Variants in TPD52 observed in about 807,000 individuals in gnomAD.
TPD52 encodes the protein prostate and colon associated protein.
TPD52 carries 17 observed loss-of-function variants against 31.3 expected under a neutral mutation model. The observed-to-expected ratio is 0.54, with a 90% CI of 0.37 to 0.82. The LOEUF is 0.82. Among genes scored for constraint, TPD52 ranks in the 40% least tolerant of loss-of-function variants. TPD52 has a pLI of 0.00. For synonymous variants in TPD52, 83 were observed against 89.6 expected, an observed-to-expected ratio of 0.93 and a Z score of 0.42; for missense variants, 212 against 240.1, an observed-to-expected ratio of 0.88 and a Z score of 0.77.
At position 80,171,392 on chromosome 8, in the gene TPD52, C is replaced by T. The variant is rs182907837; in HGVS notation, c.19+33G>A. On this transcript the variant is annotated intron_variant, in intron 1 of 7. Coordinates refer to ENST00000518937, the MANE Select transcript of TPD52 (RefSeq NM_001025253.3). ...CCCGAGTCCAAGCCCGAGTCCAAGC[C>T]CGAGCCCAAGCCCGCTGGGTCCGCG... 3 of 1,589,612 alleles carry T rather than the reference C, an allele frequency of 1.9e-6. No individual in the cohort carries two copies. In the South Asian group the frequency reaches 3.3e-5, roughly 18 times the overall value.
At chr8:80,143,566 GCATCCAC>G (rs1357315137) in intron 1 of TPD52, among the ~76,000 whole-genome samples, 1 of 152,122 alleles carries the variant, frequency 6.6e-6, no homozygotes, top group Non-Finnish European at 1.5e-5. Context: ...TCATATGCTA[GCATCCAC>G]CACCTGTCTA....
At chr8:80,129,699 A>ATTT (rs1808882029) in intron 1 of TPD52, among the ~76,000 whole-genome samples, 1 of 116,764 alleles carries the variant, frequency 8.6e-6, no homozygotes, top group African/African-American at 3.5e-5. Flanking sequence ...CCTAACTCTC[A>ATTT]TTTCTTTTTT....
At chr8:80,140,202 A>C (rs919066) in intron 1 of TPD52, among the ~76,000 whole-genome samples, 77,676 of 152,056 alleles carry the variant, frequency 0.51, 20,367 homozygotes, top group East Asian at 0.79. Context: ...CCTGATGTCA[A>C]CCCCACAAGT....
chr8:80,118,385 G>A (rs1281324848), intron 1 of TPD52, among the ~76,000 whole-genome samples: 1 of 152,092 alleles, frequency 6.6e-6, no homozygotes, highest in Non-Finnish European at 1.5e-5. Context: ...TCATGCAATG[G>A]TTTCTTAGAC....
chr8:80,070,420 A>G (rs901699035), intron 1 of TPD52, among the ~76,000 whole-genome samples: 1 of 152,170 alleles, frequency 6.6e-6, no homozygotes, highest in African/African-American at 2.4e-5. Flanking sequence ...GTTTCATGGA[A>G]GACAATTTTT....
At chr8:80,118,915 T>C (rs1808054433) in intron 1 of TPD52, among the ~76,000 whole-genome samples, 2 of 152,194 alleles carry the variant, frequency 1.3e-5, no homozygotes, top group Admixed American at 1.3e-4. Context: ...ATTGCACTCC[T>C]AGGTAAATAT....
chr8:80,043,336 T>C (rs940968769), intron 6 of TPD52, among the ~76,000 whole-genome samples: 13 of 152,148 alleles, frequency 8.5e-5, no homozygotes, highest in Admixed American at 8.5e-4. Context: ...CGCCTTTGTC[T>C]CTCACAAAGG....
Position 80,053,409 on chromosome 8 carries a change from G to A in TPD52, c.157C>T (p.Leu53=). ...LAKVEEEIQT[L]SQVLAAKEKH... is the part of the protein sequence containing the mutation. Reference sequence around the variant, plus strand: ...TCTTTTGCTGCTAACACTTGAGACAGAGTCTGGATTTCTTCTTCTACCTAT... The same window carrying A: ...TCTTTTGCTGCTAACACTTGAGACAAAGTCTGGATTTCTTCTTCTACCTAT... The change falls in exon 3 of 8, where the codon CTG becomes TTG. Residue 53 remains leucine, a synonymous_variant. Coordinates refer to ENST00000518937, the MANE Select transcript of TPD52 (RefSeq NM_001025253.3). 6.2e-7 allele frequency: 1 copy of A among 1,613,344 alleles called. No homozygotes were observed. The highest frequency in any genetic ancestry group is 2.2e-5 in the East Asian group (1 of 44,858).
intron 1 of TPD52, among the ~76,000 whole-genome samples, chr8:80,169,308 G>A (rs527665160): frequency 3.2e-4 from 48 of 152,222 alleles, no homozygotes; most frequent in Middle Eastern, 3.4e-3. Flanking sequence ...ACACAGCAAA[G>A]CTTTGGAGTA....
intron 1 of TPD52, among the ~76,000 whole-genome samples, chr8:80,113,260 G>T: frequency 9.6e-6 from 1 of 103,990 alleles, no homozygotes. Context: ...AATGGCTATT[G>T]TCAAAAAGAA....
rs537679511 is a variant in TPD52 at position 80,099,042 on chromosome 8, T to C, written c.20-34449A>G. ...AATTTTGTTTTGTTTTGTTTTGTTT[T>C]GGGGGCGAGGGTATATACACAATTT... On this transcript the variant is annotated intron_variant, in intron 1 of 7. Coordinates refer to ENST00000518937, the MANE Select transcript of TPD52 (RefSeq NM_001025253.3). Among the ~76,000 whole-genome samples the C allele has an allele frequency of 3.9e-5, 6 of 152,300 alleles. No homozygotes were observed. The South Asian group carries it at 1.0e-3, about 26-fold the overall frequency.
chr8:80,099,062 C>T (rs1045917026), intron 1 of TPD52, among the ~76,000 whole-genome samples: 14 of 152,136 alleles, frequency 9.2e-5, no homozygotes, highest in African/African-American at 3.1e-4. Context: ...GGTATATACA[C>T]AATTTTTTAG....
chr8:80,111,146 AG>A (rs1447402946), intron 1 of TPD52, among the ~76,000 whole-genome samples: 1 of 152,236 alleles, frequency 6.6e-6, no homozygotes, highest in Non-Finnish European at 1.5e-5. Flanking sequence ...CAAAAGTTCG[AG>A]GCTGCAGTGA....
intron 7 of TPD52, among the ~76,000 whole-genome samples, chr8:80,040,496 T>C (rs1046652536): frequency 3.3e-5 from 5 of 152,136 alleles, no homozygotes; most frequent in African/African-American, 1.2e-4. Context: ...AGCCAACATA[T>C]TGTATGTTTT....
rs36076685 is a variant in TPD52 at position 80,154,706 on chromosome 8, TACACACAC to T, written c.19+16711_19+16718del. Among the ~76,000 whole-genome samples the T allele has an allele frequency of 6.3e-3, 489 of 77,690 alleles. 2 individuals carry two copies. Among genetic ancestry groups the T allele is most frequent in the East Asian group, 0.027 (45 of 1,660 alleles). The allele number at this position is 77,690 out of a possible 152,430, so 51.0% of individuals were successfully genotyped here. A position where few individuals can be genotyped will look rare whatever the true frequency, so the allele number is the denominator to read the frequency against. ...TTCTTCTATGCTTTGAATCATGACA[TACACACAC>T]ACACACACACACACACACACACACA... On this transcript the variant is annotated intron_variant, in intron 1 of 7. Transcript: ENST00000518937.
intron 1 of TPD52, among the ~76,000 whole-genome samples, chr8:80,074,800 A>G (rs1417335194): frequency 6.6e-6 from 1 of 152,140 alleles, no homozygotes; most frequent in African/African-American, 2.4e-5. Context: ...TAGATTCTTA[A>G]GGCTGGAATT....
At chr8:80,116,177 A>G (rs1468496726) in intron 1 of TPD52, among the ~76,000 whole-genome samples, 1 of 152,220 alleles carries the variant, frequency 6.6e-6, no homozygotes, top group African/African-American at 2.4e-5. Flanking sequence ...TAACTGTGGC[A>G]TTATTCATAA....
chr8:80,169,280 C>T (rs562159648), intron 1 of TPD52, among the ~76,000 whole-genome samples: 2 of 152,314 alleles, frequency 1.3e-5, no homozygotes, highest in Admixed American at 6.5e-5. Flanking sequence ...CGCACCCAGC[C>T]TTGGCCACGT....
At chr8:80,153,161 A>G (rs1414056374) in intron 1 of TPD52, among the ~76,000 whole-genome samples, 2 of 152,216 alleles carry the variant, frequency 1.3e-5, no homozygotes, top group Non-Finnish European at 2.9e-5. Context: ...AAGGTTATGT[A>G]TAACTTATGC....
Sources: allele counts gnomAD v4.1 joint callset (sites outside exome capture counted in the v4.1 genomes callset), GRCh38; gene constraint gnomAD v4.1.1; transcripts MANE v1.5; gene names NCBI Gene and HGNC (gene_info 2026-07-23, HGNC 2026-07-21).